GBP5: variants seen among roughly 807,000 people sequenced by gnomAD.
GBP5 encodes guanylate binding protein 5, also known as guanylate-binding protein 5.
Under a neutral mutation model 58.2 loss-of-function variants are expected in GBP5, and 48 were observed. The observed-to-expected ratio is 0.83, with a 90% CI of 0.65 to 1.05. GBP5 has a LOEUF of 1.05. GBP5 is among the 50% of genes least tolerant of loss of function. GBP5 has a pLI of 0.00. For synonymous variants in GBP5, 248 were observed against 251.8 expected (o/e 0.98, Z 0.14); for missense variants, 714 against 686.8 (o/e 1.04, Z -0.44).
chr1:89,258,986 C>A lies in GBP5; in HGVS notation c.*1718G>T, dbSNP rs1249467241. On this transcript the variant is annotated 3_prime_UTR_variant, in exon 12 of 12. Transcript: ENST00000370459. ...CCAAAAATGTTTTTATGGTTAAAATCTGTACAAACAGATATATTTATATAA... is the reference window on the plus strand; with the variant it reads ...CCAAAAATGTTTTTATGGTTAAAATATGTACAAACAGATATATTTATATAA... The A allele has an allele frequency of 6.6e-6, 1 of 152,094 alleles. No individual in the cohort carries two copies. The allele number at this position is 152,094 out of a possible 1,614,324, so 9.4% of individuals were successfully genotyped here.
Position 89,257,528 on chromosome 1 carries a change from G to T in GBP5, c.*3176C>A, listed in dbSNP as rs967249265. On this transcript the variant is annotated 3_prime_UTR_variant, in exon 12 of 12. Coordinates refer to ENST00000370459, the MANE Select transcript of GBP5 (RefSeq NM_052942.5). ...AATTCAAAAGGCCTTCTGTGGTACT[G>T]ACCTTAATTTATTTAATTTCAATGC... Among the ~76,000 whole-genome samples the T allele has an allele frequency of 2.6e-5, 4 of 152,090 alleles. No individual in the cohort carries two copies. In the East Asian group the frequency reaches 7.7e-4, roughly 29 times the overall value.
rs372366893 is a variant in GBP5, at chr1:89,268,500, G to A, written c.318+229C>T. On this transcript the variant is annotated intron_variant, in intron 4 of 11. Transcript: ENST00000370459. ...ATATGCATCATGTTTATGCATTTGC[G>A]TTAATTGCCTAGCTCAACATCAACA... is the stretch of plus-strand genomic sequence containing the variant. Among the ~76,000 whole-genome samples the A allele has an allele frequency of 1.4e-4, 22 of 152,212 alleles. 4 individuals carry two copies. Among genetic ancestry groups the A allele is most frequent in the South Asian group, 4.1e-4 (2 of 4,832 alleles).
At position 89,256,743 on chromosome 1, in the gene GBP5, C is replaced by T. The variant is rs147666984; in HGVS notation, c.*3961G>A. On this transcript the variant is annotated 3_prime_UTR_variant, in exon 12 of 12. Transcript: ENST00000370459. ...CATAGTTTTACATTTTATATTTTATCAATTTGGGTGTGGTTCCTTTTTCTT... is the reference window on the plus strand; with the variant it reads ...CATAGTTTTACATTTTATATTTTATTAATTTGGGTGTGGTTCCTTTTTCTT... Among the ~76,000 whole-genome samples the T allele has an allele frequency of 1.9e-3, 286 of 152,206 alleles. 2 individuals carry two copies. The highest frequency in any genetic ancestry group is 0.016 in the East Asian group (85 of 5,184).
At position 89,267,399 on chromosome 1, in the gene GBP5, C is replaced by T. The variant is rs1650264528; in HGVS notation, c.428+18G>A. 9.0e-6 allele frequency: 14 copies of T among 1,550,024 alleles called. No individual in the cohort carries two copies. Among genetic ancestry groups the T allele is most frequent in the Non-Finnish European group, 1.2e-5 (13 of 1,121,842 alleles). ...GTTCTGTCGGACTTTGGTGCCATCC[C>T]ATACCACAAAAGGATACTGCAGTAG... On this transcript the variant is annotated intron_variant, in intron 5 of 11. Transcript: ENST00000370459.
intron 2 of GBP5, 161 bp from the exon 3 acceptor site, chr1:89,269,735 G>C: frequency 4.1e-6 from 2 of 488,832 alleles, no homozygotes; most frequent in South Asian, 7.1e-5. Context: ...GTAAAATAGA[G>C]AGACTTTATT....
intron 6 of GBP5, 45 bp downstream of exon 6, chr1:89,266,912 A>T: frequency 7.3e-7 from 1 of 1,367,232 alleles, no homozygotes; most frequent in Non-Finnish European, 1.0e-6. Context: ...ATAATTTCTT[A>T]GATTACTTTT....
intron 11 of GBP5, 44 bp downstream of exon 11, chr1:89,262,176 C>T (rs755204835): frequency 1.3e-6 from 2 of 1,583,970 alleles, no homozygotes; most frequent in East Asian, 2.2e-5. Context: ...GCTACATACT[C>T]TCATCGTTAC....
rs770370985 is a variant in GBP5, at chr1:89,263,835, C to T, written c.1263G>A (p.Lys421=). 21 of 1,613,000 alleles carry T rather than the reference C, an allele frequency of 1.3e-5. No individual in the cohort carries two copies. Among genetic ancestry groups the T allele is most frequent in the Non-Finnish European group, 1.8e-5 (21 of 1,179,466 alleles). Residue 421 remains lysine (K), a synonymous_variant, in exon 9 of 12, where the codon AAG becomes AAA. Transcript: ENST00000370459. ...DIFGPLEEAV[K]QGIYSKPGGH... is the part of the protein sequence containing the mutation. ...CTCCTGGCTTAGAATAAATTCCCTG[C>T]TTCACTGCTTCTTCTAGAGGACCAA... is the stretch of plus-strand genomic sequence containing the variant.
chr1:89,269,257 G>T (rs1650345593), intron 3 of GBP5, 109 bp downstream of exon 3: 2 of 1,091,472 alleles, frequency 1.8e-6, no homozygotes, highest in Non-Finnish European at 2.7e-6. Context: ...CTAAACATTG[G>T]CTTTTAATAT....
At position 89,267,102 on chromosome 1, in the gene GBP5, A is replaced by C; in HGVS notation, c.480T>G (p.Leu160=). The C allele has an allele frequency of 6.2e-7, 1 of 1,611,008 alleles. No homozygotes were observed. The highest frequency in any genetic ancestry group is 1.3e-5 in the African/African-American group (1 of 74,818). ...DLLKARNSPD[L]DRVEDPADSA... ...AGTCAGCAGGATCTTCAACCCTGTC[A>C]AGGTCGGGTGAGTTTCTTGCCTTGA... is the stretch of plus-strand genomic sequence containing the variant. Residue 160 remains leucine (L), a synonymous_variant, in exon 6 of 12, where the codon CTT becomes CTG. Transcript: ENST00000370459.
intron 2 of GBP5, 94 bp from the exon 3 acceptor site, chr1:89,269,668 C>T (rs1557505753): frequency 2.0e-5 from 14 of 710,080 alleles, no homozygotes. Flanking sequence ...GGACATACTA[C>T]TCCCCAGCAC....
intron 11 of GBP5, among the ~76,000 whole-genome samples, chr1:89,261,178 G>A (rs1243325153): frequency 6.6e-6 from 1 of 152,226 alleles, no homozygotes; most frequent in African/African-American, 2.4e-5. Context: ...TACAAAAACA[G>A]TGTATCTAAG....
intron 4 of GBP5, 99 bp downstream of exon 4, chr1:89,268,630 G>T: frequency 1.6e-6 from 2 of 1,218,474 alleles, no homozygotes; most frequent in Non-Finnish European, 2.4e-6. Context: ...GGTATACATT[G>T]GTCAAGTGGA....
chr1:89,263,709 C>G (rs766762535), intron 9 of GBP5, 27 bp downstream of exon 9: 2 of 1,547,638 alleles, frequency 1.3e-6, no homozygotes, highest in Admixed American at 3.4e-5. Flanking sequence ...CTCAGCAATT[C>G]TCCACAATAG....
chr1:89,265,525 G>A (rs910780957), intron 7 of GBP5, among the ~76,000 whole-genome samples: 1 of 151,248 alleles, frequency 6.6e-6, no homozygotes, highest in East Asian at 1.9e-4. Context: ...TGAGGAGATC[G>A]AGACCATCTT....
chr1:89,268,837 C>T lies in GBP5; in HGVS notation c.210G>A (p.Thr70=), dbSNP rs138919870. ...GKNKGFSVAS[T]VQSHTKGIWI... ...AAATTCCCTTGGTGTGAGACTGCAC[C>T]GTAGATGCAACAGAGAAGCCTGTCA... is the stretch of plus-strand genomic sequence containing the variant. Residue 70 remains threonine, a synonymous_variant, in exon 4 of 12, where the codon ACG becomes ACA. Transcript: ENST00000370459. 1.8e-5 allele frequency: 29 copies of T among 1,613,532 alleles called. No individual in the cohort carries two copies. The African/African-American group carries it at 2.3e-4, about 13-fold the overall frequency.
At chr1:89,265,610 C>T (rs540228166) in intron 7 of GBP5, among the ~76,000 whole-genome samples, 2 of 151,286 alleles carry the variant, frequency 1.3e-5, no homozygotes, top group African/African-American at 4.8e-5. Flanking sequence ...TGCCTGTAGT[C>T]CCAGCTACTC....
intron 11 of GBP5, among the ~76,000 whole-genome samples, chr1:89,261,805 C>CA (rs1650012742): frequency 6.6e-6 from 1 of 152,132 alleles, no homozygotes; most frequent in Admixed American, 6.5e-5. Flanking sequence ...ATCAGATTAA[C>CA]AAAGTATCTA....
rs531061327 is a variant in GBP5 at position 89,262,556 on chromosome 1, T to C, written c.1465+127A>G. The C allele has an allele frequency of 1.1e-4, 103 of 900,140 alleles. No individual in the cohort carries two copies. The South Asian group carries it at 1.6e-3, about 14-fold the overall frequency. 55.8% of individuals were successfully genotyped at this position (900,140 alleles called of 1,614,324 possible). A position where few individuals can be genotyped will look rare whatever the true frequency, so the allele number is the denominator to read the frequency against. ...AATGCAGGATCATGCCAGTCAGATA[T>C]GCTTGAGGAGCTAAGAAGCATCTTT... is the stretch of plus-strand genomic sequence containing the variant. On this transcript the variant is annotated intron_variant, in intron 10 of 11. Coordinates refer to ENST00000370459, the MANE Select transcript of GBP5 (RefSeq NM_052942.5).
Sources: allele counts gnomAD v4.1 joint callset (sites outside exome capture counted in the v4.1 genomes callset), GRCh38; gene constraint gnomAD v4.1.1; transcripts MANE v1.5; gene names NCBI Gene and HGNC (gene_info 2026-07-23, HGNC 2026-07-21).